Variants in CHD1 observed in about 807,000 individuals in gnomAD.
CHD1 encodes chromodomain helicase DNA binding protein 1.
CHD1 carries 36 observed loss-of-function variants against 224.2 expected under a neutral mutation model. The observed-to-expected ratio is 0.16, with a 90% confidence interval of 0.12 to 0.21. The LOEUF is 0.21. CHD1 is among the 10% of genes least tolerant of loss of function. CHD1 has a pLI of 1.00. For missense variants in CHD1, 1,378 were observed against 1,994.8 expected, an observed-to-expected ratio of 0.69 and a Z score of 5.89; for synonymous variants, 668 against 658.3, an observed-to-expected ratio of 1.01 and a Z score of -0.23.
At chr5:98,868,331 G>GAAAAA (rs58475767) in intron 31 of CHD1, among the ~76,000 whole-genome samples, 164 bp downstream of exon 31, 5 of 91,684 alleles carry the variant, frequency 5.5e-5, no homozygotes, top group East Asian at 3.4e-4. Flanking sequence ...ACTCAAAAAA[G>GAAAAA]AAAAAAAAAA....
intron 23 of CHD1, among the ~76,000 whole-genome samples, chr5:98,878,668 G>A (rs1009392540): frequency 7.2e-5 from 11 of 152,094 alleles, no homozygotes; most frequent in African/African-American, 2.4e-4. Context: ...TATGCTTTCT[G>A]AACATGACAG....
chr5:98,914,133 G>C (rs896557110), intron 2 of CHD1, among the ~76,000 whole-genome samples: 9 of 152,148 alleles, frequency 5.9e-5, no homozygotes, highest in African/African-American at 2.2e-4. Flanking sequence ...GATACAACTA[G>C]AAGTGATGGT....
chr5:98,895,625 C>T (rs1023369878), intron 12 of CHD1, among the ~76,000 whole-genome samples: 3 of 151,430 alleles, frequency 2.0e-5, no homozygotes, highest in Non-Finnish European at 4.4e-5. Context: ...TGGTGGCAGG[C>T]GCTTGTAATG....
In CHD1 at chr5:98,856,636, C is replaced by G; in HGVS notation, c.4877G>C (p.Arg1626Thr). ...GTGAGAACGATGATCAGAATGAGAT[C>G]TATCTTTTAAACTTCCTTCCAAATT... is the stretch of plus-strand genomic sequence containing the variant. ...RSNLEGSLKDRSHSDHRSHSD... is the reference protein window; with the variant it reads ...RSNLEGSLKDTSHSDHRSHSD... Residue 1626 changes from arginine to threonine, a missense_variant, in exon 36 of 36, where the codon AGA becomes ACA. By Grantham distance (71) the Arg-to-Thr change is moderately conservative. Transcript: ENST00000614616. The G allele has an allele frequency of 6.2e-7, 1 of 1,613,728 alleles. No individual in the cohort carries two copies. Among genetic ancestry groups the G allele is most frequent in the Non-Finnish European group, 8.5e-7 (1 of 1,179,734 alleles).
Position 98,894,618 on chromosome 5 carries a change from A to C in CHD1, c.1779T>G (p.Tyr593Ter). The C allele has an allele frequency of 7.2e-7, 1 of 1,389,946 alleles. No homozygotes were observed. The highest frequency in any genetic ancestry group is 1.0e-6 in the Non-Finnish European group (1 of 1,002,370). 86.1% of individuals were successfully genotyped at this position (1,389,946 alleles called of 1,614,324 possible). A position where few individuals can be genotyped will look rare whatever the true frequency, so the allele number is the denominator to read the frequency against. Reference protein sequence around the residue: ...RLKFNILLTTYEILLKDKAFL... With the variant: ...RLKFNILLTT ...ATACCTTATCTTTTAATAAAATTTCATAAGTTGTTAACAATATATTAAATT... is the reference window on the plus strand; with the variant it reads ...ATACCTTATCTTTTAATAAAATTTCCTAAGTTGTTAACAATATATTAAATT... Residue 593 changes from tyrosine (Y) to a stop codon, truncating the protein, a stop_gained, in exon 13 of 36, where the codon TAT becomes TAG. Transcript: ENST00000614616. LOFTEE classifies it high-confidence loss of function.
intron 1 of CHD1, among the ~76,000 whole-genome samples, chr5:98,926,937 A>T (rs1286157324): frequency 7.2e-6 from 1 of 138,152 alleles, no homozygotes; most frequent in Admixed American, 7.3e-5. Flanking sequence ...GGGTGGGAGG[A>T]GGTTACCTTT....
At chr5:98,914,181 T>C (rs950429603) in intron 2 of CHD1, among the ~76,000 whole-genome samples, 10 of 152,154 alleles carry the variant, frequency 6.6e-5, no homozygotes, top group Non-Finnish European at 1.5e-4. Context: ...AAAAATGAAG[T>C]GGCTTGCCTT....
chr5:98,879,404 C>T, intron 23 of CHD1, 148 bp downstream of exon 23: 1 of 570,496 alleles, frequency 1.8e-6, no homozygotes, highest in Non-Finnish European at 2.8e-6. Flanking sequence ...AGAAACACTT[C>T]TCAACTCATT....
chr5:98,910,391 C>G (rs1007061523), intron 2 of CHD1, among the ~76,000 whole-genome samples: 1 of 152,092 alleles, frequency 6.6e-6, no homozygotes, highest in Non-Finnish European at 1.5e-5. Flanking sequence ...GCTATAAAGT[C>G]AGGTAAAATA....
At chr5:98,911,662 A>C (rs1174796577) in intron 2 of CHD1, among the ~76,000 whole-genome samples, 1 of 152,182 alleles carries the variant, frequency 6.6e-6, no homozygotes, top group African/African-American at 2.4e-5. Flanking sequence ...AACACTTTAG[A>C]AGATATATCA....
At chr5:98,878,869 T>G (rs965603037) in intron 23 of CHD1, among the ~76,000 whole-genome samples, 8 of 152,184 alleles carry the variant, frequency 5.3e-5, no homozygotes, top group African/African-American at 1.7e-4. Flanking sequence ...AAAGAAAAAT[T>G]TGTAGCATTA....
chr5:98,908,855 A>G (rs1353030823), intron 2 of CHD1, among the ~76,000 whole-genome samples: 6 of 152,150 alleles, frequency 3.9e-5, no homozygotes, highest in Non-Finnish European at 8.8e-5. Context: ...CGAAAGAAAA[A>G]CCACCATTAA....
At chr5:98,904,505 T>C (rs908016421) in intron 3 of CHD1, among the ~76,000 whole-genome samples, 1 of 152,234 alleles carries the variant, frequency 6.6e-6, no homozygotes, top group Non-Finnish European at 1.5e-5. Flanking sequence ...CATTAAATTA[T>C]TCTGCTAGTA....
chr5:98,921,859 T>TA (rs892572323), intron 2 of CHD1, among the ~76,000 whole-genome samples: 57 of 152,170 alleles, frequency 3.7e-4, no homozygotes, highest in African/African-American at 1.3e-3. Flanking sequence ...TATTTAAAAC[T>TA]AAAAAAAGTC....
chr5:98,878,707 A>T (rs1013562900), intron 23 of CHD1, among the ~76,000 whole-genome samples: 3 of 152,214 alleles, frequency 2.0e-5, no homozygotes, highest in Admixed American at 6.5e-5. Context: ...TAACAAACAT[A>T]GTTGAAAAAT....
intron 20 of CHD1, 77 bp from the exon 21 acceptor site, chr5:98,881,452 T>G: frequency 1.5e-6 from 1 of 659,222 alleles, no homozygotes. Context: ...TATTAATTAC[T>G]GACATTTTCA....
rs187300072 is a variant in CHD1, at chr5:98,916,035, A to G, written c.53+10299T>C. On this transcript the variant is annotated intron_variant, in intron 2 of 35. Coordinates refer to ENST00000614616, the MANE Select transcript of CHD1 (RefSeq NM_001270.4). ...TGGTGAAACCCCGTCCTAACTAAATACAAAAAATTAGCCAGGCATGGTGGC... is the reference window on the plus strand; with the variant it reads ...TGGTGAAACCCCGTCCTAACTAAATGCAAAAAATTAGCCAGGCATGGTGGC... 4.4e-3 allele frequency among the ~76,000 whole-genome samples: 673 copies of G among 152,126 alleles called. 1 individual carries two copies. Among genetic ancestry groups the G allele is most frequent in the Non-Finnish European group, 7.0e-3 (477 of 67,980 alleles).
intron 33 of CHD1, among the ~76,000 whole-genome samples, chr5:98,859,362 T>C (rs56400831): frequency 0.07 from 10,619 of 152,146 alleles, 402 homozygotes; most frequent in African/African-American, 0.1. Flanking sequence ...ACACTATTAA[T>C]TGAAGAACAG....
At chr5:98,863,266 A>G (rs964559666) in intron 32 of CHD1, 142 bp downstream of exon 32, 2 of 462,510 alleles carry the variant, frequency 4.3e-6, no homozygotes, top group Admixed American at 4.2e-5. Flanking sequence ...TTAAAGGGAG[A>G]AAAATTAAAA....
Sources: allele counts gnomAD v4.1 joint callset (sites outside exome capture counted in the v4.1 genomes callset), GRCh38; gene constraint gnomAD v4.1.1; transcripts MANE v1.5; gene names NCBI Gene and HGNC (gene_info 2026-07-23, HGNC 2026-07-21).